DLGAP1: variants seen among roughly 807,000 people sequenced by gnomAD.
DLGAP1 encodes the protein disks large-associated protein 1.
In DLGAP1, 11 loss-of-function variants were observed where a neutral mutation model predicts 90.8. The observed-to-expected ratio is 0.12, with a 90% CI of 0.08 to 0.20. DLGAP1 has a LOEUF of 0.20. Among genes scored for constraint, DLGAP1 ranks in the 10% least tolerant of loss-of-function variants. DLGAP1 has a pLI of 1.00. For missense variants in DLGAP1, 1,050 were observed against 1,333.8 expected (o/e 0.79, Z 3.31); for synonymous variants, 558 against 540.7 (o/e 1.03, Z -0.44).
At chr18:3,980,961 T>G (rs2073715802) in intron 3 of DLGAP1, among the ~76,000 whole-genome samples, 1 of 152,256 alleles carries the variant, frequency 6.6e-6, no homozygotes, top group Non-Finnish European at 1.5e-5. Context: ...AGTCACCATC[T>G]TGTTCAATAG....
intron 1 of DLGAP1, among the ~76,000 whole-genome samples, chr18:4,211,634 G>A (rs1384788212): frequency 6.6e-6 from 1 of 152,130 alleles, no homozygotes; most frequent in Admixed American, 6.5e-5. Context: ...GAAAGGGTTT[G>A]ATGGTGAGTC....
intron 1 of DLGAP1, among the ~76,000 whole-genome samples, chr18:4,309,589 AT>A (rs1029095581): frequency 1.3e-5 from 2 of 152,054 alleles, no homozygotes; most frequent in African/African-American, 4.8e-5. Flanking sequence ...CGTTTAGCCC[AT>A]TTTTTTTCTT....
intron 1 of DLGAP1, among the ~76,000 whole-genome samples, chr18:4,385,120 TAGACTC>T (rs1223576909): frequency 1.3e-5 from 2 of 151,922 alleles, no homozygotes; most frequent in Non-Finnish European, 2.9e-5. Context: ...GAAGGGAGGG[TAGACTC>T]AGAAATAGAA....
rs1491397018 is a variant in DLGAP1 at position 4,257,971 on chromosome 18, A to ATG, written c.-266-106685_-266-106684insCA. On this transcript the variant is annotated intron_variant, in intron 1 of 12. Transcript: ENST00000315677. ...TTATGGATTACAACAAGAGTTATAC[A>ATG]TATGTGTGTGTGTGTGTGTGTGTGT... is the stretch of plus-strand genomic sequence containing the variant. Among the ~76,000 whole-genome samples the ATG allele has an allele frequency of 8.3e-4, 70 of 84,634 alleles. No individual in the cohort carries two copies. In the South Asian group the frequency reaches 0.011, roughly 13 times the overall value. The allele number at this position is 84,634 out of a possible 152,430, so 55.5% of individuals were successfully genotyped here.
chr18:4,145,494 C>T (rs1288760199), intron 2 of DLGAP1, among the ~76,000 whole-genome samples: 1 of 152,120 alleles, frequency 6.6e-6, no homozygotes, highest in East Asian at 1.9e-4. Flanking sequence ...TGATCTACTC[C>T]TGTTAAGTAG....
At chr18:4,249,447 CAAAAA>C (rs11301773) in intron 1 of DLGAP1, among the ~76,000 whole-genome samples, 3 of 101,624 alleles carry the variant, frequency 3.0e-5, no homozygotes, top group Non-Finnish European at 4.1e-5. Context: ...AATGTTCTGG[CAAAAA>C]AAAAAAAAAA....
chr18:3,510,953 A>G (rs1363196591), intron 10 of DLGAP1, among the ~76,000 whole-genome samples: 1 of 152,236 alleles, frequency 6.6e-6, no homozygotes, highest in East Asian at 1.9e-4. Flanking sequence ...AACAAGGGAT[A>G]TCTTTCTTCA....
chr18:4,082,063 G>A (rs1319881984), intron 2 of DLGAP1, among the ~76,000 whole-genome samples: 2 of 151,822 alleles, frequency 1.3e-5, no homozygotes, highest in Admixed American at 6.6e-5. Flanking sequence ...CAAAAAGGCT[G>A]GGTGCAGTGG....
chr18:4,179,340 C>T (rs992434281), intron 1 of DLGAP1, among the ~76,000 whole-genome samples: 2 of 152,072 alleles, frequency 1.3e-5, no homozygotes, highest in East Asian at 1.9e-4. Flanking sequence ...AAAGTAAAGG[C>T]CCTAATGATG....
chr18:4,211,470 G>T (rs554167343), intron 1 of DLGAP1, among the ~76,000 whole-genome samples: 1 of 152,242 alleles, frequency 6.6e-6, no homozygotes, highest in African/African-American at 2.4e-5. Context: ...TTTGAATCTG[G>T]AAGGCATTAG....
intron 9 of DLGAP1, among the ~76,000 whole-genome samples, chr18:3,543,197 G>C (rs183340598): frequency 3.2e-5 from 4 of 126,936 alleles, no homozygotes; most frequent in African/African-American, 1.4e-4. Context: ...TTGAGACGGA[G>C]TCTCGCTTTG....
At chr18:3,878,013 A>G (rs2071047300) in intron 4 of DLGAP1, among the ~76,000 whole-genome samples, 2 of 152,190 alleles carry the variant, frequency 1.3e-5, no homozygotes, top group Admixed American at 6.5e-5. Flanking sequence ...GGATTGATGG[A>G]GGCATTCCCA....
intron 9 of DLGAP1, among the ~76,000 whole-genome samples, chr18:3,541,171 G>T (rs2052671717): frequency 6.6e-6 from 1 of 152,120 alleles, no homozygotes; most frequent in South Asian, 2.1e-4. Context: ...CTGTAGGCTT[G>T]TAAGTCCGAT....
rs901338772 is a variant in DLGAP1 at position 3,520,243 on chromosome 18, C to T, written c.2480-11582G>A. ...CTTGGTCTGATTCTCTCCCTGCTAC[C>T]CTGAGGCCTTGCTGTGTGAGCCACT... On this transcript the variant is annotated intron_variant, in intron 10 of 12. Coordinates refer to ENST00000315677, the MANE Select transcript of DLGAP1 (RefSeq NM_004746.4). Among the ~76,000 whole-genome samples, 4 of 152,140 alleles carry T rather than the reference C, an allele frequency of 2.6e-5. No individual in the cohort carries two copies. In the East Asian group the frequency reaches 7.7e-4, roughly 29 times the overall value.
At chr18:4,436,580 C>T (rs1255772417) in intron 1 of DLGAP1, among the ~76,000 whole-genome samples, 4 of 151,784 alleles carry the variant, frequency 2.6e-5, no homozygotes, top group Admixed American at 1.3e-4. Context: ...CCTGAGCCCA[C>T]TCTAGAGATG....
At chr18:4,224,953 G>T (rs554584612) in intron 1 of DLGAP1, among the ~76,000 whole-genome samples, 18 of 152,166 alleles carry the variant, frequency 1.2e-4, no homozygotes, top group Admixed American at 9.2e-4. Context: ...CCACAGGAAG[G>T]CTTATGTCAC....
intron 3 of DLGAP1, among the ~76,000 whole-genome samples, chr18:3,928,401 A>G (rs1431004208): frequency 6.6e-6 from 1 of 152,232 alleles, no homozygotes; most frequent in African/African-American, 2.4e-5. Flanking sequence ...GTGCCTTCAA[A>G]ATATTTCTAA....
At chr18:4,002,816 TGAGCCCTCAACA>T (rs1340047843) in intron 3 of DLGAP1, among the ~76,000 whole-genome samples, 1 of 152,174 alleles carries the variant, frequency 6.6e-6, no homozygotes, top group Non-Finnish European at 1.5e-5. Context: ...TGTTAATACT[TGAGCCCTCAACA>T]GAGAATATGT....
rs575859217 is a variant in DLGAP1 at position 3,527,942 on chromosome 18, C to T, written c.2479+6252G>A. ...ATAGACATAAGATTTGCCATTTTAA[C>T]CACAGTGAAGTGTACCATTCGGAGG... is the stretch of plus-strand genomic sequence containing the variant. On this transcript the variant is annotated intron_variant, in intron 10 of 12. Coordinates refer to ENST00000315677, the MANE Select transcript of DLGAP1 (RefSeq NM_004746.4). Among the ~76,000 whole-genome samples the T allele has an allele frequency of 2.0e-5, 3 of 152,216 alleles. No homozygotes were observed. In the East Asian group the frequency reaches 5.8e-4, roughly 29 times the overall value.
Sources: allele counts gnomAD v4.1 joint callset (sites outside exome capture counted in the v4.1 genomes callset), GRCh38; gene constraint gnomAD v4.1.1; transcripts MANE v1.5; gene names NCBI Gene and HGNC (gene_info 2026-07-23, HGNC 2026-07-21).